Variants in NAA15 observed in about 807,000 individuals in gnomAD.
NAA15 encodes N-alpha-acetyltransferase 15, NatA auxiliary subunit.
Under a neutral mutation model 114.0 loss-of-function variants are expected in NAA15, and 34 were observed. The observed-to-expected ratio is 0.30, with a 90% confidence interval of 0.23 to 0.40. The LOEUF (loss-of-function observed/expected upper bound fraction) is 0.40, where lower values mean the gene tolerates loss of function less well. Ranked by LOEUF, NAA15 falls within the 10% of genes least tolerant of loss-of-function variation. NAA15 has a pLI of 1.00. For missense variants in NAA15, 658 were observed against 1,004.5 expected, an observed-to-expected ratio of 0.66 and a Z score of 4.66; for synonymous variants, 340 against 338.0, an observed-to-expected ratio of 1.01 and a Z score of -0.06.
intron 1 of NAA15, among the ~76,000 whole-genome samples, chr4:139,307,152 T>C (rs1746048748): frequency 6.6e-6 from 1 of 152,238 alleles, no homozygotes; most frequent in Non-Finnish European, 1.5e-5. Flanking sequence ...AAATCTACCA[T>C]TTGCCAGGCT....
chr4:139,325,000 C>T (rs533609497), intron 1 of NAA15, among the ~76,000 whole-genome samples: 1 of 152,224 alleles, frequency 6.6e-6, no homozygotes, highest in African/African-American at 2.4e-5. Flanking sequence ...AAGGACATAG[C>T]TGAATTTCAT....
intron 16 of NAA15, 127 bp from the exon 17 acceptor site, chr4:139,378,629 C>G (rs1286982849): frequency 4.5e-6 from 2 of 446,516 alleles, no homozygotes. Context: ...TCGTTTGCCT[C>G]AATCGTATGT....
rs750787451 is a variant in NAA15, at chr4:139,359,105, C to CA, written c.1258-626dup. Among the ~76,000 whole-genome samples, 907 of 134,944 alleles carry CA rather than the reference C, an allele frequency of 6.7e-3. 4 individuals are homozygous for CA. Among genetic ancestry groups the CA allele is most frequent in the South Asian group, 1.0e-2 (41 of 4,112 alleles). The allele number at this position is 134,944 out of a possible 152,430, so 88.5% of individuals were successfully genotyped here. On this transcript the variant is annotated intron_variant, in intron 11 of 19. Transcript: ENST00000296543. Reference sequence around the variant, plus strand: ...GGGTGACAGAGTGAGACTCCCATCTCAAAAAAAAAAAAGATTTCTGTTATT... The same window carrying CA: ...GGGTGACAGAGTGAGACTCCCATCTCAAAAAAAAAAAAAGATTTCTGTTATT...
At chr4:139,358,599 G>C (rs576006323) in intron 11 of NAA15, among the ~76,000 whole-genome samples, 1 of 151,864 alleles carries the variant, frequency 6.6e-6, no homozygotes, top group Non-Finnish European at 1.5e-5. Flanking sequence ...TGTGCACAAC[G>C]TGCAGGTTTG....
intron 14 of NAA15, among the ~76,000 whole-genome samples, chr4:139,368,115 C>G (rs1748334915): frequency 6.6e-6 from 1 of 152,180 alleles, no homozygotes; most frequent in South Asian, 2.1e-4. Context: ...TATCTCATGT[C>G]CAGGTACCAA....
At chr4:139,327,443 G>A (rs1294624973) in intron 1 of NAA15, among the ~76,000 whole-genome samples, 6 of 152,032 alleles carry the variant, frequency 3.9e-5, no homozygotes, top group Admixed American at 6.6e-5. Flanking sequence ...TAGTAGAAAC[G>A]GGGTTTCACC....
At position 139,301,750 on chromosome 4, in the gene NAA15, G is replaced by GGCGGGAGCA. The variant is rs760053172; in HGVS notation, c.-16_-8dup. ...AAACTGACTGACCGAGCCGGGTGGTGGCGGGAGCAGCGGGAGCAGCCGGAA... is the reference window on the plus strand; with the variant it reads ...AAACTGACTGACCGAGCCGGGTGGTGGCGGGAGCAGCGGGAGCAGCGGGAGCAGCCGGAA... On this transcript the variant is annotated 5_prime_UTR_variant, in exon 1 of 20. Coordinates refer to ENST00000296543, the MANE Select transcript of NAA15 (RefSeq NM_057175.5). 2.1e-5 allele frequency: 33 copies of GGCGGGAGCA among 1,557,568 alleles called. No homozygotes were observed. The highest frequency in any genetic ancestry group is 2.9e-5 in the Non-Finnish European group (33 of 1,149,690).
chr4:139,303,920 T>C (rs893542846), intron 1 of NAA15, among the ~76,000 whole-genome samples: 1 of 152,238 alleles, frequency 6.6e-6, no homozygotes, highest in Non-Finnish European at 1.5e-5. Context: ...TAGCACTTTT[T>C]TTTGTTTGTT....
chr4:139,303,579 T>G (rs1477855775), intron 1 of NAA15, among the ~76,000 whole-genome samples: 1 of 152,178 alleles, frequency 6.6e-6, no homozygotes, highest in African/African-American at 2.4e-5. Context: ...GATGGATCAC[T>G]TGAGGTCAGG....
chr4:139,344,849 AGG>A (rs1222425548), intron 6 of NAA15, among the ~76,000 whole-genome samples: 1 of 152,202 alleles, frequency 6.6e-6, no homozygotes, highest in Non-Finnish European at 1.5e-5. Flanking sequence ...TCTGGAAGAA[AGG>A]GAGACCAGAG....
intron 1 of NAA15, among the ~76,000 whole-genome samples, chr4:139,333,839 G>A (rs180811805): frequency 9.2e-4 from 140 of 152,176 alleles, no homozygotes; most frequent in African/African-American, 3.1e-3. Flanking sequence ...GGATATGGTC[G>A]CTGTGAGCTG....
chr4:139,376,522 C>A, intron 16 of NAA15, 49 bp downstream of exon 16: 2 of 1,149,904 alleles, frequency 1.7e-6, no homozygotes, highest in Non-Finnish European at 2.6e-6. Flanking sequence ...CACTGTATTT[C>A]TTAGGTATAG....
intron 1 of NAA15, among the ~76,000 whole-genome samples, chr4:139,326,429 A>G (rs1214777983): frequency 6.6e-6 from 1 of 152,162 alleles, no homozygotes; most frequent in Non-Finnish European, 1.5e-5. Context: ...AGCTGTTATT[A>G]TTGTTAAGTG....
At chr4:139,308,245 A>G (rs187382882) in intron 1 of NAA15, among the ~76,000 whole-genome samples, 70 of 152,116 alleles carry the variant, frequency 4.6e-4, no homozygotes, top group South Asian at 1.5e-3. Context: ...ACAGGCATGA[A>G]CCACCGCGCC....
intron 12 of NAA15, 115 bp downstream of exon 12, chr4:139,360,010 C>A: frequency 2.1e-6 from 2 of 932,714 alleles, no homozygotes; most frequent in Non-Finnish European, 3.1e-6. Flanking sequence ...CCGTAATAGC[C>A]AAGATTTTAA....
At chr4:139,324,585 G>A (rs1202751672) in intron 1 of NAA15, among the ~76,000 whole-genome samples, 1 of 152,186 alleles carries the variant, frequency 6.6e-6, no homozygotes. Flanking sequence ...TATACCATAT[G>A]TAGTATTTTG....
chr4:139,362,926 A>G (rs1748175628), intron 14 of NAA15, among the ~76,000 whole-genome samples: 1 of 152,116 alleles, frequency 6.6e-6, no homozygotes, highest in East Asian at 1.9e-4. Flanking sequence ...TTTTTTGAGG[A>G]TATGATTGGC....
At chr4:139,373,814 T>G (rs1748509824) in intron 15 of NAA15, among the ~76,000 whole-genome samples, 1 of 152,128 alleles carries the variant, frequency 6.6e-6, no homozygotes. Flanking sequence ...TTCTCCTGCC[T>G]CAGCTTCCCC....
At position 139,368,837 on chromosome 4, in the gene NAA15, A is replaced by T. The variant is rs1041965864; in HGVS notation, c.1754-1374A>T. ...TCATTTCTCTATATTAACAGATGTT[A>T]TCCAAATAAATACTGGATGAGCCTT... is the stretch of plus-strand genomic sequence containing the variant. On this transcript the variant is annotated intron_variant, in intron 14 of 19. Transcript: ENST00000296543. 4.6e-5 allele frequency among the ~76,000 whole-genome samples: 7 copies of T among 152,238 alleles called. No individual in the cohort carries two copies. The South Asian group carries it at 1.2e-3, about 27-fold the overall frequency.
Sources: allele counts gnomAD v4.1 joint callset (sites outside exome capture counted in the v4.1 genomes callset), GRCh38; gene constraint gnomAD v4.1.1; transcripts MANE v1.5; gene names NCBI Gene and HGNC (gene_info 2026-07-23, HGNC 2026-07-21).